NYAP2: variants seen among roughly 807,000 people sequenced by gnomAD.
NYAP2 encodes the protein neuronal tyrosine-phosphorylated phosphoinositide-3-kinase adapter 2.
NYAP2 carries 23 observed loss-of-function variants against 50.4 expected under a neutral mutation model. The observed-to-expected ratio is 0.46, with a 90% CI of 0.33 to 0.65. The LOEUF (loss-of-function observed/expected upper bound fraction) is 0.65, where lower values mean the gene tolerates loss of function less well. Ranked by LOEUF, NYAP2 falls within the 30% of genes least tolerant of loss-of-function variation. The pLI is 0.02. For synonymous variants in NYAP2, 394 were observed against 365.2 expected (o/e 1.08, Z -0.90); for missense variants, 885 against 861.0 (o/e 1.03, Z -0.35).
chr2:225,627,908 G>A (rs1215320508), intron 6 of NYAP2, among the ~76,000 whole-genome samples: 1 of 152,182 alleles, frequency 6.6e-6, no homozygotes, highest in African/African-American at 2.4e-5. Flanking sequence ...TCTTAAGAGT[G>A]TTAGAGCTCC....
intron 3 of NYAP2, among the ~76,000 whole-genome samples, chr2:225,503,841 C>T (rs894162225): frequency 6.6e-6 from 1 of 151,942 alleles, no homozygotes; most frequent in African/African-American, 2.4e-5. Flanking sequence ...ATAATTATGT[C>T]CACTGATAAT....
At chr2:225,418,838 G>T (rs1307861813) in intron 3 of NYAP2, among the ~76,000 whole-genome samples, 1 of 152,062 alleles carries the variant, frequency 6.6e-6, no homozygotes, top group Non-Finnish European at 1.5e-5. Flanking sequence ...TCTAAAAATT[G>T]TATACATATA....
chr2:225,439,535 A>G (rs1217357239), intron 3 of NYAP2, among the ~76,000 whole-genome samples: 1 of 152,118 alleles, frequency 6.6e-6, no homozygotes, highest in East Asian at 1.9e-4. Context: ...ATAGAAGCAA[A>G]TGTTTTGGAA....
intron 5 of NYAP2, among the ~76,000 whole-genome samples, chr2:225,589,276 C>T (rs971267505): frequency 2.6e-5 from 4 of 151,152 alleles, no homozygotes; most frequent in Non-Finnish European, 4.4e-5. Flanking sequence ...AGGTTAGGAA[C>T]ATCAACTTCC....
At chr2:225,408,802 T>C in intron 2 of NYAP2, 62 bp from the exon 3 acceptor site, 1 of 862,568 alleles carries the variant, frequency 1.2e-6, no homozygotes, top group Non-Finnish European at 1.9e-6. Context: ...TTAGGGATAA[T>C]AAACAGCACC....
intron 6 of NYAP2, among the ~76,000 whole-genome samples, chr2:225,640,060 T>A (rs1693499699): frequency 6.6e-6 from 1 of 152,252 alleles, no homozygotes; most frequent in Non-Finnish European, 1.5e-5. Context: ...AGGAAGCCAT[T>A]TATGGATTTT....
chr2:225,625,774 G>A (rs1189335583), intron 5 of NYAP2, among the ~76,000 whole-genome samples: 1 of 152,182 alleles, frequency 6.6e-6, no homozygotes, highest in Non-Finnish European at 1.5e-5. Context: ...CATTCTATGG[G>A]CAACAGGAGG....
intron 5 of NYAP2, among the ~76,000 whole-genome samples, chr2:225,593,631 T>C (rs1388382592): frequency 6.6e-6 from 1 of 152,230 alleles, no homozygotes; most frequent in African/African-American, 2.4e-5. Flanking sequence ...TTCTATCTGA[T>C]TCTCTCTATT....
intron 3 of NYAP2, among the ~76,000 whole-genome samples, chr2:225,469,464 C>T (rs1317038153): frequency 1.3e-5 from 2 of 152,088 alleles, no homozygotes; most frequent in Non-Finnish European, 2.9e-5. Flanking sequence ...GGATCTAGAA[C>T]CAGAAATAAC....
At chr2:225,497,482 G>A (rs1041062209) in intron 3 of NYAP2, among the ~76,000 whole-genome samples, 1 of 152,206 alleles carries the variant, frequency 6.6e-6, no homozygotes, top group Non-Finnish European at 1.5e-5. Flanking sequence ...AAAAATGCCA[G>A]GGAGGACACT....
At chr2:225,638,283 C>CA (rs1693461611) in intron 6 of NYAP2, among the ~76,000 whole-genome samples, 1 of 150,966 alleles carries the variant, frequency 6.6e-6, no homozygotes, top group African/African-American at 2.4e-5. Flanking sequence ...GAAGTGTCTC[C>CA]AGCAGTGGAA....
chr2:225,422,508 T>C (rs1463032076), intron 3 of NYAP2, among the ~76,000 whole-genome samples: 1 of 152,088 alleles, frequency 6.6e-6, no homozygotes, highest in Non-Finnish European at 1.5e-5. Flanking sequence ...AATGTCTGTC[T>C]GAATGAACAC....
intron 3 of NYAP2, among the ~76,000 whole-genome samples, chr2:225,511,518 A>C (rs981884125): frequency 1.3e-5 from 2 of 152,112 alleles, no homozygotes; most frequent in African/African-American, 4.8e-5. Context: ...AGTGCACTGA[A>C]ATTCCAGCCA....
chr2:225,536,981 T>A (rs10185082), intron 4 of NYAP2, among the ~76,000 whole-genome samples: 1 of 152,094 alleles, frequency 6.6e-6, no homozygotes, highest in African/African-American at 2.4e-5. Flanking sequence ...GGTTTCACCA[T>A]GTTAGCCAGG....
At chr2:225,421,010 C>T (rs1559175288) in intron 3 of NYAP2, among the ~76,000 whole-genome samples, 1 of 151,966 alleles carries the variant, frequency 6.6e-6, no homozygotes, top group Non-Finnish European at 1.5e-5. Flanking sequence ...GCAGCCTCAA[C>T]CTCCCAGGCT....
At position 225,584,497 on chromosome 2, in the gene NYAP2, C is replaced by G. The variant is rs376537899; in HGVS notation, c.1618+1462C>G. Among the ~76,000 whole-genome samples, 116 of 152,300 alleles carry G rather than the reference C, an allele frequency of 7.6e-4. 2 individuals are homozygous for G. The South Asian group carries it at 0.018, about 23-fold the overall frequency. ...ATTTCTTTCTCTTATTTAAAAATGC[C>G]GTAGGCACCTAAGCTGATAATTAAT... On this transcript the variant is annotated intron_variant, in intron 5 of 6. Coordinates refer to ENST00000636099, the Ensembl canonical transcript of NYAP2.
At chr2:225,469,145 TA>T (rs1689971884) in intron 3 of NYAP2, among the ~76,000 whole-genome samples, 1 of 152,046 alleles carries the variant, frequency 6.6e-6, no homozygotes, top group Non-Finnish European at 1.5e-5. Context: ...ATCCAGAATC[TA>T]CAAAAAACTT....
intron 3 of NYAP2, among the ~76,000 whole-genome samples, chr2:225,487,205 A>C (rs1232724929): frequency 6.6e-6 from 1 of 152,190 alleles, no homozygotes; most frequent in Non-Finnish European, 1.5e-5. Flanking sequence ...GCCACAAGCT[A>C]GTATTTCGGC....
At chr2:225,584,635 A>G (rs900226630) in intron 5 of NYAP2, among the ~76,000 whole-genome samples, 2 of 152,222 alleles carry the variant, frequency 1.3e-5, no homozygotes, top group Non-Finnish European at 2.9e-5. Context: ...GATGATGAAA[A>G]TGACAATGGC....
Sources: gnomAD v4.1 joint callset for allele counts (sites outside exome capture counted in the v4.1 genomes callset) on GRCh38, gnomAD v4.1.1 for gene constraint, MANE v1.5 for transcripts, NCBI Gene and HGNC (gene_info 2026-07-23, HGNC 2026-07-21) for gene names.